PGBD5: variants seen among roughly 807,000 people sequenced by gnomAD.
PGBD5 encodes the protein piggyBac transposable element-derived protein 5.
A neutral mutation model predicts 47.9 loss-of-function variants in PGBD5; 14 were observed. That is an observed-to-expected ratio of 0.29 (90% CI 0.19 to 0.46). The LOEUF is 0.46. Ranked by LOEUF, PGBD5 falls within the 20% of genes least tolerant of loss-of-function variation. The probability of loss-of-function intolerance (pLI) is 1.00; values close to 1 mark genes in which losing one functional copy is unlikely to be tolerated. For missense variants in PGBD5, 635 were observed against 716.0 expected, an observed-to-expected ratio of 0.89 and a Z score of 1.29; for synonymous variants, 316 against 306.3, an observed-to-expected ratio of 1.03 and a Z score of -0.33.
chr1:230,426,057 G>A lies in PGBD5; in HGVS notation c.-129C>T. 3.1e-6 allele frequency: 1 copy of A among 325,208 alleles called. No individual in the cohort carries two copies. The highest frequency in any genetic ancestry group is 4.3e-6 in the Non-Finnish European group (1 of 230,806). The allele number at this position is 325,208 out of a possible 1,614,324, so 20.1% of individuals were successfully genotyped here. A position where few individuals can be genotyped will look rare whatever the true frequency, so the allele number is the denominator to read the frequency against. ...CGCAGCACAGCGCCCGCCGCCCCGTGCCCGGCCGGCCCGCCGTCTTGGCCG... is the reference window on the plus strand; with the variant it reads ...CGCAGCACAGCGCCCGCCGCCCCGTACCCGGCCGGCCCGCCGTCTTGGCCG... On this transcript the variant is annotated 5_prime_UTR_variant, in exon 1 of 7. Coordinates refer to ENST00000391860, the MANE Select transcript of PGBD5 (RefSeq NM_001258311.2).
rs1399935517 is a variant in PGBD5, at chr1:230,358,786, G to A, written c.332-1465C>T. Among the ~76,000 whole-genome samples, 4 of 152,216 alleles carry A rather than the reference G, an allele frequency of 2.6e-5. No individual in the cohort carries two copies. In the East Asian group the frequency reaches 7.7e-4, roughly 29 times the overall value. On this transcript the variant is annotated intron_variant, in intron 1 of 6. Transcript: ENST00000391860. ...CATGCTGCACAGGTTTGTAGTCTAG[G>A]AGCGATAGGCTATGCCGTATAGCCT... is the stretch of plus-strand genomic sequence containing the variant.
Position 230,350,182 on chromosome 1 carries a change from T to C in PGBD5, c.894+776A>G, listed in dbSNP as rs182202925. ...TCACCACAGGGCTGGCCTGCCTGTC[T>C]GATGAGAGAAGGTGTCGCTGCGCAG... is the stretch of plus-strand genomic sequence containing the variant. On this transcript the variant is annotated intron_variant, in intron 3 of 6. Transcript: ENST00000391860. 3.2e-3 allele frequency among the ~76,000 whole-genome samples: 494 copies of C among 152,320 alleles called. 1 individual carries two copies. The highest frequency in any genetic ancestry group is 5.1e-3 in the Non-Finnish European group (350 of 68,024).
chr1:230,366,965 C>G (rs894314615), intron 1 of PGBD5, among the ~76,000 whole-genome samples: 1 of 152,010 alleles, frequency 6.6e-6, no homozygotes, highest in Non-Finnish European at 1.5e-5. Context: ...ACCAAAAGGA[C>G]GGCAGAAGTG....
chr1:230,367,270 C>G (rs560822216), intron 1 of PGBD5, among the ~76,000 whole-genome samples: 1 of 152,248 alleles, frequency 6.6e-6, no homozygotes, highest in East Asian at 1.9e-4. Context: ...CTGAGGCCAC[C>G]GATGCCCCCA....
Position 230,315,935 on chromosome 1 carries a change from T to TATGTATATGTGTACACATAC in PGBD5, c.*7489_*7490insGTATGTGTACACATATACAT, listed in dbSNP as rs1666932520. Reference sequence around the variant, plus strand: ...GTATATGTGTATATGTGTACACATATATGTATGTGTATACATACATAAGTA... The same window carrying TATGTATATGTGTACACATAC: ...GTATATGTGTATATGTGTACACATATATGTATATGTGTACACATACATGTATGTGTATACATACATAAGTA... On this transcript the variant is annotated 3_prime_UTR_variant, in exon 7 of 7. Coordinates refer to ENST00000391860, the MANE Select transcript of PGBD5 (RefSeq NM_001258311.2). The TATGTATATGTGTACACATAC allele has an allele frequency of 1.1e-4, 13 of 122,470 alleles. 2 individuals are homozygous for TATGTATATGTGTACACATAC. Among genetic ancestry groups the TATGTATATGTGTACACATAC allele is most frequent in the Admixed American group, 2.5e-4 (3 of 12,042 alleles). 7.6% of individuals were successfully genotyped at this position (122,470 alleles called of 1,614,324 possible). A position where few individuals can be genotyped will look rare whatever the true frequency, so the allele number is the denominator to read the frequency against.
chr1:230,367,590 C>T (rs1396049293), intron 1 of PGBD5, among the ~76,000 whole-genome samples: 1 of 152,058 alleles, frequency 6.6e-6, no homozygotes, highest in Admixed American at 6.6e-5. Flanking sequence ...CCCAGCTACT[C>T]GAGAGGCTGA....
chr1:230,329,137 T>C (rs1397331484), intron 5 of PGBD5, among the ~76,000 whole-genome samples: 6 of 149,256 alleles, frequency 4.0e-5, no homozygotes. Flanking sequence ...GGGGAGGTGG[T>C]ATTTTTTGCA....
At chr1:230,367,431 G>T (rs1375464653) in intron 1 of PGBD5, among the ~76,000 whole-genome samples, 5 of 152,220 alleles carry the variant, frequency 3.3e-5, no homozygotes, top group African/African-American at 9.6e-5. Flanking sequence ...GCCGGGCACA[G>T]TGGCTCTTGC....
rs144201488 is a variant in PGBD5, at chr1:230,368,769, C to G, written c.332-11448G>C. On this transcript the variant is annotated intron_variant, in intron 1 of 6. Transcript: ENST00000391860. Reference sequence around the variant, plus strand: ...TGGCAGCCTGAAGTACAGGCAGGTCCTGCCCTGGTGAGGCCGGGGAAACGT... The same window carrying G: ...TGGCAGCCTGAAGTACAGGCAGGTCGTGCCCTGGTGAGGCCGGGGAAACGT... Among the ~76,000 whole-genome samples, 196 of 149,284 alleles carry G rather than the reference C, an allele frequency of 1.3e-3. 1 individual carries two copies. The highest frequency in any genetic ancestry group is 4.5e-3 in the African/African-American group (186 of 40,894).
intron 2 of PGBD5, 83 bp from the exon 3 acceptor site, chr1:230,351,175 T>G: frequency 1.4e-6 from 2 of 1,431,984 alleles, no homozygotes; most frequent in Non-Finnish European, 1.8e-6. Context: ...AAATTCAGCC[T>G]CTGCATTTGA....
intron 4 of PGBD5, among the ~76,000 whole-genome samples, chr1:230,335,766 TACA>T (rs1558192731): frequency 0.019 from 6 of 310 alleles, no homozygotes; most frequent in South Asian, 0.17. Flanking sequence ...GATACACAGA[TACA>T]GACAGACACA....
chr1:230,339,081 T>C (rs1184376772), intron 3 of PGBD5, among the ~76,000 whole-genome samples: 1 of 152,248 alleles, frequency 6.6e-6, no homozygotes, highest in Non-Finnish European at 1.5e-5. Flanking sequence ...GCCTGTATCT[T>C]TGAGTTCTAA....
chr1:230,372,437 A>G (rs1667943952), intron 1 of PGBD5, among the ~76,000 whole-genome samples: 1 of 152,184 alleles, frequency 6.6e-6, no homozygotes, highest in Non-Finnish European at 1.5e-5. Flanking sequence ...GACGCAGAAC[A>G]CTATAAGCCA....
chr1:230,387,067 A>G (rs1312908682), intron 1 of PGBD5, among the ~76,000 whole-genome samples: 1 of 152,008 alleles, frequency 6.6e-6, no homozygotes, highest in African/African-American at 2.4e-5. Flanking sequence ...ATTTCCTTCT[A>G]TTTTTAGATG....
chr1:230,407,271 T>C (rs1230171751), intron 1 of PGBD5, among the ~76,000 whole-genome samples: 1 of 152,224 alleles, frequency 6.6e-6, no homozygotes, highest in Admixed American at 6.5e-5. Flanking sequence ...TTTAAGTCTA[T>C]GAAGACTAAA....
intron 1 of PGBD5, among the ~76,000 whole-genome samples, chr1:230,396,422 C>A (rs1206040627): frequency 7.8e-6 from 1 of 128,318 alleles, no homozygotes; most frequent in Non-Finnish European, 1.6e-5. Context: ...CCTCCCCCAT[C>A]CCCACCATCC....
Position 230,320,739 on chromosome 1 carries a change from TAG to T in PGBD5, c.*2684_*2685del, listed in dbSNP as rs1667021158. On this transcript the variant is annotated 3_prime_UTR_variant, in exon 7 of 7. Transcript: ENST00000391860. ...ATACTGGAACCAGATGCACTTCAAC[TAG>T]AGTCACTCCAAAAAGCCACTTTGAA... is the stretch of plus-strand genomic sequence containing the variant. 1.3e-5 allele frequency: 2 copies of T among 152,200 alleles called. No homozygotes were observed. Among genetic ancestry groups the T allele is most frequent in the South Asian group, 4.1e-4 (2 of 4,822 alleles). The allele number at this position is 152,200 out of a possible 1,614,324, so 9.4% of individuals were successfully genotyped here.
intron 1 of PGBD5, among the ~76,000 whole-genome samples, chr1:230,410,610 A>G (rs2102749354): frequency 6.6e-6 from 1 of 152,266 alleles, no homozygotes; most frequent in Non-Finnish European, 1.5e-5. Flanking sequence ...GAACTGGAGG[A>G]TATCTTGAAA....
chr1:230,326,578 C>G (rs1443714718), intron 5 of PGBD5, among the ~76,000 whole-genome samples: 1 of 152,170 alleles, frequency 6.6e-6, no homozygotes, highest in Non-Finnish European at 1.5e-5. Flanking sequence ...CCCACCTCAG[C>G]CACCCAAGGA....
Sources: allele counts gnomAD v4.1 joint callset (sites outside exome capture counted in the v4.1 genomes callset), GRCh38; gene constraint gnomAD v4.1.1; transcripts MANE v1.5; gene names NCBI Gene and HGNC (gene_info 2026-07-23, HGNC 2026-07-21).